The following HHAT variants were observed in gnomAD, a reference collection of about 807,000 sequenced individuals.
The protein encoded by HHAT is protein-cysteine N-palmitoyltransferase HHAT.
HHAT carries 47 observed loss-of-function variants against 70.8 expected under a neutral mutation model. That is an observed-to-expected ratio of 0.66 (90% confidence interval 0.53 to 0.85). The LOEUF (loss-of-function observed/expected upper bound fraction) is 0.85. HHAT is among the 40% of genes least tolerant of loss of function. HHAT has a pLI of 0.00. For synonymous variants in HHAT, 228 were observed against 247.6 expected, an observed-to-expected ratio of 0.92 and a Z score of 0.74; for missense variants, 609 against 604.8, an observed-to-expected ratio of 1.01 and a Z score of -0.07.
intron 7 of HHAT, among the ~76,000 whole-genome samples, chr1:210,451,001 G>A (rs181354098): frequency 6.9e-4 from 104 of 151,260 alleles, no homozygotes; most frequent in African/African-American, 2.5e-3. Context: ...GCAGGAGAAT[G>A]GTGTGAACCC....
intron 10 of HHAT, among the ~76,000 whole-genome samples, chr1:210,606,933 C>G (rs1011459711): frequency 1.3e-5 from 2 of 152,152 alleles, no homozygotes; most frequent in African/African-American, 4.8e-5. Flanking sequence ...AGCATTACTG[C>G]GAACATCTTC....
intron 3 of HHAT, among the ~76,000 whole-genome samples, chr1:210,386,037 A>G (rs3765865): frequency 0.12 from 17,715 of 151,980 alleles, 1,342 homozygotes; most frequent in East Asian, 0.29. Flanking sequence ...GATCAATTTT[A>G]TATGTATCTT....
chr1:210,653,316 G>T (rs1307935050), intron 11 of HHAT, among the ~76,000 whole-genome samples: 1 of 152,130 alleles, frequency 6.6e-6, no homozygotes, highest in East Asian at 1.9e-4. Flanking sequence ...GCTGAGGCCG[G>T]CAGATAGCTT....
In HHAT at chr1:210,418,208, G is replaced by A. The variant is rs767440738; in HGVS notation, c.739G>A (p.Gly247Arg). ...GGCCAGCCTGTGTGTCCTGGCCCTGGGGCTGGGCCGCCTTCTTTGCTGGTG... is the reference window on the plus strand; with the variant it reads ...GGCCAGCCTGTGTGTCCTGGCCCTGAGGCTGGGCCGCCTTCTTTGCTGGTG... ...LKASLCVLAL[G>R]LGRLLCWWWL... The change falls in exon 7 of 12, where the codon GGG (glycine) becomes AGG (arginine). Residue 247 changes from glycine (G) to arginine (R), a missense_variant. Gly to Arg is a moderately radical substitution (Grantham distance 125, BLOSUM62 -2). Transcript: ENST00000261458. 2.5e-6 allele frequency: 4 copies of A among 1,614,120 alleles called. No individual in the cohort carries two copies. Among genetic ancestry groups the A allele is most frequent in the Non-Finnish European group, 2.5e-6 (3 of 1,179,996 alleles).
At chr1:210,332,864 T>C (rs2085115205) in intron 1 of HHAT, among the ~76,000 whole-genome samples, 1 of 152,216 alleles carries the variant, frequency 6.6e-6, no homozygotes, top group Admixed American at 6.5e-5. Context: ...TTGTTGGCAA[T>C]CTTACAGTCT....
At chr1:210,380,013 G>A (rs1021166655) in intron 3 of HHAT, among the ~76,000 whole-genome samples, 2 of 152,162 alleles carry the variant, frequency 1.3e-5, no homozygotes, top group East Asian at 3.8e-4. Context: ...TTCTAGGGCA[G>A]ATACCGGATG....
intron 8 of HHAT, among the ~76,000 whole-genome samples, chr1:210,480,030 T>C (rs2050187): frequency 0.62 from 94,007 of 152,086 alleles, 30,258 homozygotes; most frequent in East Asian, 0.85. Flanking sequence ...GGTGAGAATT[T>C]AATCTTTCTG....
At chr1:210,513,700 G>C (rs12049235) in intron 9 of HHAT, among the ~76,000 whole-genome samples, 108,537 of 152,104 alleles carry the variant, frequency 0.71, 39,101 homozygotes, top group Non-Finnish European at 0.77. Flanking sequence ...GCTGTTAAAT[G>C]TAACAGAGGT....
chr1:210,529,309 A>T (rs541936012), intron 9 of HHAT, among the ~76,000 whole-genome samples: 71 of 146,950 alleles, frequency 4.8e-4, no homozygotes, highest in African/African-American at 1.6e-3. Context: ...CATCTCAAAA[A>T]AAACAAAGGA....
chr1:210,425,473 G>T (rs1331287889), intron 7 of HHAT, among the ~76,000 whole-genome samples: 2 of 151,946 alleles, frequency 1.3e-5, no homozygotes, highest in Non-Finnish European at 2.9e-5. Context: ...TTATAGTTTT[G>T]GGTTTTACAT....
chr1:210,374,119 T>G (rs769363666), intron 3 of HHAT: 3 of 146,488 alleles, frequency 2.0e-5, no homozygotes, highest in Admixed American at 7.1e-5. Flanking sequence ...CACCATAATG[T>G]TTTCCTCTTT....
At chr1:210,453,036 C>T (rs1472251416) in intron 7 of HHAT, among the ~76,000 whole-genome samples, 5 of 152,144 alleles carry the variant, frequency 3.3e-5, no homozygotes, top group Admixed American at 1.3e-4. Context: ...GTTGAAATAA[C>T]GCCTGTGCAC....
At chr1:210,490,339 C>T (rs1212988096) in intron 8 of HHAT, among the ~76,000 whole-genome samples, 1 of 152,180 alleles carries the variant, frequency 6.6e-6, no homozygotes, top group Non-Finnish European at 1.5e-5. Flanking sequence ...TACATTTCTG[C>T]CACCAGCATA....
chr1:210,434,130 C>T (rs2093321089), intron 7 of HHAT, among the ~76,000 whole-genome samples: 1 of 151,876 alleles, frequency 6.6e-6, no homozygotes, highest in Non-Finnish European at 1.5e-5. Context: ...CACAATTTAT[C>T]AGAAGTTGAA....
chr1:210,494,923 AAGAGCCCTG>A (rs1229766490), intron 8 of HHAT, among the ~76,000 whole-genome samples: 2 of 152,146 alleles, frequency 1.3e-5, no homozygotes, highest in Non-Finnish European at 2.9e-5. Context: ...GACTGCAGGA[AAGAGCCCTG>A]AGCTGGGACT....
rs569871244 is a variant in HHAT, at chr1:210,431,345, T to C, written c.856+13020T>C. Among the ~76,000 whole-genome samples the C allele has an allele frequency of 1.9e-3, 288 of 151,896 alleles. 1 individual carries two copies. The highest frequency in any genetic ancestry group is 0.012 in the South Asian group (58 of 4,818). On this transcript the variant is annotated intron_variant, in intron 7 of 11. Transcript: ENST00000261458. ...TTGTGAAAAGCAAAGCCTAGGTCTT[T>C]GCAGCCTGGCAGGTTCTACCAGGGT...
chr1:210,503,292 C>T (rs1157922271), intron 8 of HHAT, among the ~76,000 whole-genome samples: 1 of 152,144 alleles, frequency 6.6e-6, no homozygotes, highest in Admixed American at 6.5e-5. Context: ...CTGCCTTGCC[C>T]ATGCTCCTAG....
intron 8 of HHAT, among the ~76,000 whole-genome samples, chr1:210,487,609 C>T (rs1000707738): frequency 6.6e-6 from 1 of 152,144 alleles, no homozygotes; most frequent in South Asian, 2.1e-4. Flanking sequence ...TCCAGAGATG[C>T]TGGTGAAGGG....
intron 9 of HHAT, among the ~76,000 whole-genome samples, chr1:210,514,731 A>T (rs1312465991): frequency 3.3e-5 from 5 of 152,210 alleles, no homozygotes; most frequent in African/African-American, 9.7e-5. Context: ...GCAGGTTGAG[A>T]AAAAGCTGTA....
Sources: gnomAD v4.1 joint callset for allele counts (sites outside exome capture counted in the v4.1 genomes callset) on GRCh38, gnomAD v4.1.1 for gene constraint, MANE v1.5 for transcripts, NCBI Gene and HGNC (gene_info 2026-07-23, HGNC 2026-07-21) for gene names.